Variants in PRKAR2B observed in about 807,000 individuals in gnomAD.
The protein encoded by PRKAR2B is cAMP-dependent protein kinase type II-beta regulatory subunit.
In PRKAR2B, 14 loss-of-function variants were observed where a neutral mutation model predicts 49.9. The ratio of observed to expected loss-of-function variants is 0.28; its 90% CI spans 0.19 to 0.44. The LOEUF (loss-of-function observed/expected upper bound fraction) is 0.44, where lower values mean the gene tolerates loss of function less well. Ranked by LOEUF, PRKAR2B falls within the 20% of genes least tolerant of loss-of-function variation. The probability of loss-of-function intolerance (pLI) is 1.00; values close to 1 mark genes in which losing one functional copy is unlikely to be tolerated. For synonymous variants in PRKAR2B, 196 were observed against 197.7 expected, an observed-to-expected ratio of 0.99 and a Z score of 0.07; for missense variants, 393 against 537.9, an observed-to-expected ratio of 0.73 and a Z score of 2.67.
At chr7:107,073,923 A>G (rs943206040) in intron 2 of PRKAR2B, among the ~76,000 whole-genome samples, 1 of 151,898 alleles carries the variant, frequency 6.6e-6, no homozygotes, top group Non-Finnish European at 1.5e-5. Context: ...TTAGTCAGGC[A>G]TGGTGGCGCG....
chr7:107,061,161 A>C (rs2116759894), intron 1 of PRKAR2B, among the ~76,000 whole-genome samples: 1 of 152,150 alleles, frequency 6.6e-6, no homozygotes, highest in South Asian at 2.1e-4. Flanking sequence ...TGGTCTTGAT[A>C]TATGGTATGG....
intron 10 of PRKAR2B, among the ~76,000 whole-genome samples, chr7:107,158,200 T>TAAAGGTGAGTGAGTGAAAGTCTATTAC (rs1796131783): frequency 7.0e-6 from 1 of 142,914 alleles, no homozygotes; most frequent in Non-Finnish European, 1.5e-5. Context: ...CTATTAGAAA[T>TAAAGGTGAGTGAGTGAAAGTCTATTAC]AGTAAAGGTG....
intron 2 of PRKAR2B, among the ~76,000 whole-genome samples, chr7:107,092,308 T>C (rs1794746670): frequency 6.6e-6 from 1 of 151,480 alleles, no homozygotes; most frequent in Non-Finnish European, 1.5e-5. Context: ...AGAATGAAAT[T>C]AGCAGATGTA....
At chr7:107,119,534 A>C (rs762139188) in intron 2 of PRKAR2B, among the ~76,000 whole-genome samples, 1 of 152,230 alleles carries the variant, frequency 6.6e-6, no homozygotes, top group Admixed American at 6.5e-5. Flanking sequence ...TAGAGAGCCA[A>C]GCTTTAGAAG....
chr7:107,091,853 A>G (rs190382208), intron 2 of PRKAR2B: 2 of 152,156 alleles, frequency 1.3e-5, no homozygotes, highest in South Asian at 4.2e-4. Context: ...CCCATGTAAG[A>G]TGCGAATCTA....
intron 2 of PRKAR2B, among the ~76,000 whole-genome samples, chr7:107,110,443 A>G (rs1490119005): frequency 1.3e-5 from 2 of 152,018 alleles, no homozygotes; most frequent in African/African-American, 4.8e-5. Flanking sequence ...GGCTAAGGGA[A>G]TGCTGGCATC....
At chr7:107,074,659 T>A (rs1794358769) in intron 2 of PRKAR2B, among the ~76,000 whole-genome samples, 1 of 151,602 alleles carries the variant, frequency 6.6e-6, no homozygotes, top group Admixed American at 6.6e-5. Flanking sequence ...ATTAGCTGGG[T>A]TTGGTGGCGG....
intron 5 of PRKAR2B, among the ~76,000 whole-genome samples, chr7:107,143,399 G>A (rs1270771873): frequency 1.3e-5 from 2 of 152,210 alleles, no homozygotes; most frequent in Non-Finnish European, 2.9e-5. Context: ...AGGGGTTAGT[G>A]TACGAGGTAC....
chr7:107,159,603 C>G lies in PRKAR2B; in HGVS notation c.*21C>G. On this transcript the variant is annotated 3_prime_UTR_variant, in exon 11 of 11. Transcript: ENST00000265717. ...CATGAAGCAAAAGTATGGAGCAAGA[C>G]CTGTAGTGACAAAATTACACAGTAG... The G allele has an allele frequency of 6.2e-7, 1 of 1,612,576 alleles. No homozygotes were observed. The highest frequency in any genetic ancestry group is 2.2e-5 in the East Asian group (1 of 44,860).
chr7:107,066,301 G>GGTGTGT (rs3074837), intron 1 of PRKAR2B, among the ~76,000 whole-genome samples: 16,879 of 145,428 alleles, frequency 0.12, 1,272 homozygotes, highest in African/African-American at 0.21. Flanking sequence ...CTCTATGTGG[G>GGTGTGT]GTGTGTGTGT....
intron 6 of PRKAR2B, among the ~76,000 whole-genome samples, chr7:107,150,698 T>TAAAAAA (rs58258955): frequency 3.6e-5 from 5 of 140,628 alleles, no homozygotes; most frequent in Admixed American, 7.0e-5. Context: ...ATGCTTTCTT[T>TAAAAAA]AAAAAAAAAA....
intron 2 of PRKAR2B, chr7:107,077,805 C>T (rs139480719): frequency 1.3e-5 from 2 of 152,176 alleles, no homozygotes; most frequent in Non-Finnish European, 2.9e-5. Context: ...TGTGTGTATC[C>T]TTAGTTACCT....
chr7:107,059,058 C>T (rs1479474532), intron 1 of PRKAR2B, among the ~76,000 whole-genome samples: 6 of 152,018 alleles, frequency 3.9e-5, no homozygotes, highest in South Asian at 2.1e-4. Context: ...GAGACCAAGA[C>T]GGGCAGATCA....
chr7:107,074,032 A>G (rs988353184), intron 2 of PRKAR2B, among the ~76,000 whole-genome samples: 1 of 152,116 alleles, frequency 6.6e-6, no homozygotes, highest in African/African-American at 2.4e-5. Context: ...ACTCACTCCA[A>G]CCTGGGCAAC....
rs34736852 is a variant in PRKAR2B at position 107,128,394 on chromosome 7, G to GGC, written c.480+99_480+100insGC. ...TTGAGTTTTGCCCTCTTTGTAAGCT[G>GGC]ATCACCCTGGGGTGATGGTAAAGGC... On this transcript the variant is annotated intron_variant, in intron 4 of 10. Coordinates refer to ENST00000265717, the MANE Select transcript of PRKAR2B (RefSeq NM_002736.3). 6.0e-6 allele frequency: 5 copies of GGC among 834,152 alleles called. No homozygotes were observed. The African/African-American group carries it at 8.5e-5, about 14-fold the overall frequency. The allele number at this position is 834,152 out of a possible 1,614,324, so 51.7% of individuals were successfully genotyped here. A position where few individuals can be genotyped will look rare whatever the true frequency, so the allele number is the denominator to read the frequency against.
At chr7:107,147,208 G>A (rs1004911816) in intron 6 of PRKAR2B, among the ~76,000 whole-genome samples, 1 of 152,180 alleles carries the variant, frequency 6.6e-6, no homozygotes, top group Non-Finnish European at 1.5e-5. Context: ...CTACTCAGGA[G>A]GCTGAGGCAG....
chr7:107,141,847 T>G (rs1230781705), intron 5 of PRKAR2B, among the ~76,000 whole-genome samples: 2 of 152,234 alleles, frequency 1.3e-5, no homozygotes, highest in African/African-American at 4.8e-5. Flanking sequence ...ATTATTATAT[T>G]TGTCTTAAAA....
chr7:107,135,267 G>T (rs1330963883), intron 4 of PRKAR2B, among the ~76,000 whole-genome samples: 3 of 152,070 alleles, frequency 2.0e-5, no homozygotes, highest in Non-Finnish European at 4.4e-5. Flanking sequence ...CCCCACCGGG[G>T]TAGTTACAAT....
chr7:107,055,437 A>G (rs997987643), intron 1 of PRKAR2B, among the ~76,000 whole-genome samples: 8 of 152,144 alleles, frequency 5.3e-5, no homozygotes, highest in Non-Finnish European at 1.5e-5. Flanking sequence ...CAACAGTGTA[A>G]AAGTGTTCCT....
Sources: gnomAD v4.1 joint callset for allele counts (sites outside exome capture counted in the v4.1 genomes callset) on GRCh38, gnomAD v4.1.1 for gene constraint, MANE v1.5 for transcripts, NCBI Gene and HGNC (gene_info 2026-07-23, HGNC 2026-07-21) for gene names.